PLEKHH1: variants seen among roughly 807,000 people sequenced by gnomAD.
PLEKHH1 encodes the protein pleckstrin homology domain-containing family H member 1.
PLEKHH1 carries 104 observed loss-of-function variants against 160.0 expected under a neutral mutation model. The observed-to-expected ratio is 0.65, with a 90% CI of 0.55 to 0.76. The LOEUF is 0.76. Among genes scored for constraint, PLEKHH1 ranks in the 30% least tolerant of loss-of-function variants. The pLI, the probability that PLEKHH1 is intolerant of heterozygous loss-of-function variation, is 0.00. For synonymous variants in PLEKHH1, 619 were observed against 678.4 expected (o/e 0.91, Z 1.36); for missense variants, 1,427 against 1,724.1 (o/e 0.83, Z 3.05).
chr14:67,542,836 G>A (rs2034026170), intron 2 of PLEKHH1, among the ~76,000 whole-genome samples: 2 of 152,126 alleles, frequency 1.3e-5, no homozygotes, highest in Admixed American at 1.3e-4. Flanking sequence ...GAGTAGCTGG[G>A]ACTACAGGCA....
At position 67,577,217 on chromosome 14, in the gene PLEKHH1, C is replaced by T. The variant is rs190181121; in HGVS notation, c.2462-85C>T. The T allele has an allele frequency of 1.6e-4, 140 of 854,580 alleles. No homozygotes were observed. In the East Asian group the frequency reaches 3.2e-3, roughly 20 times the overall value. The allele number at this position is 854,580 out of a possible 1,614,324, so 52.9% of individuals were successfully genotyped here. A position where few individuals can be genotyped will look rare whatever the true frequency, so the allele number is the denominator to read the frequency against. On this transcript the variant is annotated intron_variant, in intron 17 of 28. Coordinates refer to ENST00000329153, the MANE Select transcript of PLEKHH1 (RefSeq NM_020715.3). ...ACGGAAGATAAACCACTATCTTCCC[C>T]ATAAATTAAAGATGGCGGTGAGTGG...
At chr14:67,551,797 G>A (rs889541086) in intron 2 of PLEKHH1, among the ~76,000 whole-genome samples, 40 of 152,134 alleles carry the variant, frequency 2.6e-4, no homozygotes, top group African/African-American at 9.2e-4. Flanking sequence ...ATCGAGAATC[G>A]CTTGAACCTG....
rs529287707 is a variant in PLEKHH1, at chr14:67,573,752, G to A, written c.1840-49G>A. ...GATCTGAGGGTAAATGAGGTGCTCC[G>A]GAAAGGCTCCACATTCAGTGGCTCT... On this transcript the variant is annotated intron_variant, in intron 12 of 28. Coordinates refer to ENST00000329153, the MANE Select transcript of PLEKHH1 (RefSeq NM_020715.3). The surrounding 1 kb of genome is among the most constrained non-coding windows in gnomAD (Gnocchi z 4.8). 45 of 1,231,288 alleles carry A rather than the reference G, an allele frequency of 3.7e-5. No homozygotes were observed. Among genetic ancestry groups the A allele is most frequent in the Middle Eastern group, 1.9e-4 (1 of 5,358 alleles). 76.3% of individuals were successfully genotyped at this position (1,231,288 alleles called of 1,614,324 possible).
At chr14:67,557,477 C>T (rs2034642824) in intron 4 of PLEKHH1, 59 bp downstream of exon 4, 6 of 1,543,082 alleles carry the variant, frequency 3.9e-6, no homozygotes, top group Non-Finnish European at 5.3e-6. Context: ...CTGCTGGCCC[C>T]CAGCTTCCTG....
intron 2 of PLEKHH1, among the ~76,000 whole-genome samples, chr14:67,543,735 C>T (rs1348563443): frequency 6.6e-6 from 1 of 151,094 alleles, no homozygotes; most frequent in Non-Finnish European, 1.5e-5. Flanking sequence ...AGATATATCT[C>T]GGAGGGAAGA....
intron 6 of PLEKHH1, 50 bp downstream of exon 6, chr14:67,562,085 T>C (rs761928002): frequency 9.4e-6 from 15 of 1,603,842 alleles, no homozygotes; most frequent in African/African-American, 1.4e-5. Context: ...TTGGTGGGTA[T>C]GGGGCTGAGC....
At chr14:67,586,392 T>A in intron 28 of PLEKHH1, 1 of 1,362,762 alleles carries the variant, frequency 7.3e-7, no homozygotes, top group Non-Finnish European at 9.6e-7. Flanking sequence ...AGTCCTCAGT[T>A]GGGTGCTTAC....
intron 6 of PLEKHH1, 39 bp from the exon 7 acceptor site, chr14:67,562,098 C>A (rs541782676): frequency 6.2e-7 from 1 of 1,610,524 alleles, no homozygotes; most frequent in African/African-American, 1.3e-5. Flanking sequence ...GGCTGAGCTA[C>A]GGGAGCTCTC....
In PLEKHH1 at chr14:67,573,466, G is replaced by A; in HGVS notation, c.1839+80G>A. On this transcript the variant is annotated intron_variant, in intron 12 of 28. Coordinates refer to ENST00000329153, the MANE Select transcript of PLEKHH1 (RefSeq NM_020715.3). This position sits in a 1 kb window ranked among gnomAD's most constrained non-coding sequence, Gnocchi z 4.8. ...GACTATGTCAGATGGGACGGAGGAGGGGGAATGTGGCCCAAGGCCAGAGGG... is the reference window on the plus strand; with the variant it reads ...GACTATGTCAGATGGGACGGAGGAGAGGGAATGTGGCCCAAGGCCAGAGGG... 4.1e-6 allele frequency: 4 copies of A among 973,604 alleles called. No individual in the cohort carries two copies. Among genetic ancestry groups the A allele is most frequent in the Non-Finnish European group, 6.4e-6 (4 of 623,758 alleles). 60.3% of individuals were successfully genotyped at this position (973,604 alleles called of 1,614,324 possible).
chr14:67,587,596 T>TG lies in PLEKHH1; in HGVS notation c.*369dup, dbSNP rs577328901. 274 of 257,884 alleles carry TG rather than the reference T, an allele frequency of 1.1e-3. No individual in the cohort carries two copies. The highest frequency in any genetic ancestry group is 4.3e-3 in the Middle Eastern group (3 of 692). 16.0% of individuals were successfully genotyped at this position (257,884 alleles called of 1,614,324 possible). A position where few individuals can be genotyped will look rare whatever the true frequency, so the allele number is the denominator to read the frequency against. ...CTCTCAAGGAAGCTAATTTTCTTTCTGGGGGGGGCGGGGGACACAGTGTCA... is the reference window on the plus strand; with the variant it reads ...CTCTCAAGGAAGCTAATTTTCTTTCTGGGGGGGGGCGGGGGACACAGTGTCA... On this transcript the variant is annotated 3_prime_UTR_variant, in exon 29 of 29. Coordinates refer to ENST00000329153, the MANE Select transcript of PLEKHH1 (RefSeq NM_020715.3).
chr14:67,580,948 C>A lies in PLEKHH1; in HGVS notation c.3194C>A (p.Ala1065Asp). The change falls in exon 23 of 29, where the codon GCC (alanine) becomes GAC (aspartate). Residue 1065 changes from alanine to aspartate, a missense_variant. Transcript: ENST00000329153. ...CLQGSVKICD[A>D]ISKWEQAMKE... ...TTTTGCCTTTTCAAGATCTGTGATG[C>A]CATCTCCAAGTGGGAACAAGCCATG... The A allele has an allele frequency of 6.2e-7, 1 of 1,609,958 alleles. No homozygotes were observed. The highest frequency in any genetic ancestry group is 8.5e-7 in the Non-Finnish European group (1 of 1,176,208).
At chr14:67,543,668 A>C (rs1437218393) in intron 2 of PLEKHH1, among the ~76,000 whole-genome samples, 1 of 152,062 alleles carries the variant, frequency 6.6e-6, no homozygotes, top group Non-Finnish European at 1.5e-5. Flanking sequence ...ATGGTGTTGG[A>C]GGAGGGACGA....
At chr14:67,551,643 C>A (rs1057486045) in intron 2 of PLEKHH1, among the ~76,000 whole-genome samples, 1 of 152,176 alleles carries the variant, frequency 6.6e-6, no homozygotes, top group Admixed American at 6.5e-5. Flanking sequence ...AATCCCAGGA[C>A]TTAGGGAGGC....
intron 2 of PLEKHH1, among the ~76,000 whole-genome samples, chr14:67,551,799 T>C (rs1299433761): frequency 6.6e-6 from 1 of 152,016 alleles, no homozygotes; most frequent in Non-Finnish European, 1.5e-5. Flanking sequence ...CGAGAATCGC[T>C]TGAACCTGGG....
At chr14:67,552,481 G>A (rs753276751) in intron 2 of PLEKHH1, among the ~76,000 whole-genome samples, 1 of 152,214 alleles carries the variant, frequency 6.6e-6, no homozygotes, top group Non-Finnish European at 1.5e-5. Flanking sequence ...TGGATAAGAA[G>A]GACTGGCTGG....
Position 67,561,986 on chromosome 14 carries a change from T to C in PLEKHH1, c.456T>C (p.His152=). The change falls in exon 6 of 29, where the codon CAT becomes CAC. Residue 152 remains histidine (H), a synonymous_variant. Transcript: ENST00000329153. ...LEMENQHLKS[H]NQRLVEQVGS... is the part of the protein sequence containing the mutation. Reference sequence around the variant, plus strand: ...TGGAGAATCAGCATCTGAAAAGCCATAATCAGCGCCTGGTGGAGCAGGTGG... The same window carrying C: ...TGGAGAATCAGCATCTGAAAAGCCACAATCAGCGCCTGGTGGAGCAGGTGG... The C allele has an allele frequency of 1.2e-6, 2 of 1,613,858 alleles. No homozygotes were observed. The highest frequency in any genetic ancestry group is 1.7e-6 in the Non-Finnish European group (2 of 1,179,830).
intron 18 of PLEKHH1, 28 bp from the exon 19 acceptor site, chr14:67,577,995 G>T (rs1348624157): frequency 6.2e-7 from 1 of 1,603,466 alleles, no homozygotes; most frequent in African/African-American, 1.3e-5. Context: ...ATGCTGGTCT[G>T]CCTGTGCTCA....
At position 67,561,218 on chromosome 14, in the gene PLEKHH1, AAAGAT is replaced by A. The variant is rs570790043; in HGVS notation, c.424-734_424-730del. Among the ~76,000 whole-genome samples the A allele has an allele frequency of 7.2e-4, 110 of 152,242 alleles. 1 individual carries two copies. Among genetic ancestry groups the A allele is most frequent in the African/African-American group, 2.5e-3 (103 of 41,546 alleles). ...ATTCTCACAGTCCCAACCCTTGCTA[AAAGAT>A]ACTCAATAAAAGTGTGTTGGACTTA... On this transcript the variant is annotated intron_variant, in intron 5 of 28. Coordinates refer to ENST00000329153, the MANE Select transcript of PLEKHH1 (RefSeq NM_020715.3).
At chr14:67,540,923 A>T (rs908927701) in intron 1 of PLEKHH1, among the ~76,000 whole-genome samples, 2 of 152,156 alleles carry the variant, frequency 1.3e-5, no homozygotes, top group Non-Finnish European at 2.9e-5. Context: ...TCCAGAAGGC[A>T]TCTGAGTGAA....
Sources: allele counts gnomAD v4.1 joint callset (sites outside exome capture counted in the v4.1 genomes callset), GRCh38; gene constraint gnomAD v4.1.1; non-coding constraint Gnocchi (gnomAD v3.1); transcripts MANE v1.5; gene names NCBI Gene and HGNC (gene_info 2026-07-23, HGNC 2026-07-21).